CEACAM16: variants seen among roughly 807,000 people sequenced by gnomAD.
The protein encoded by CEACAM16 is CEA cell adhesion molecule 16, tectorial membrane component.
Under a neutral mutation model 39.4 loss-of-function variants are expected in CEACAM16, and 30 were observed. The observed-to-expected ratio is 0.76, with a 90% CI of 0.57 to 1.03. CEACAM16 has a LOEUF of 1.03. Ranked by LOEUF, CEACAM16 falls within the 50% of genes least tolerant of loss-of-function variation. CEACAM16 has a pLI of 0.00. For missense variants in CEACAM16, 521 were observed against 585.3 expected (o/e 0.89, Z 1.13); for synonymous variants, 262 against 264.9 (o/e 0.99, Z 0.11).
intron 5 of CEACAM16, among the ~76,000 whole-genome samples, chr19:44,706,191 C>T (rs1293526209): frequency 6.6e-6 from 1 of 151,708 alleles, no homozygotes; most frequent in Non-Finnish European, 1.5e-5. Context: ...CTCTACCCGC[C>T]CCCACCCCAC....
intron 6 of CEACAM16, 120 bp downstream of exon 6, chr19:44,708,307 C>T: frequency 9.5e-7 from 1 of 1,057,470 alleles, no homozygotes; most frequent in Admixed American, 3.0e-5. Context: ...CATCCCCCAT[C>T]AGGCTGAAGG....
At chr19:44,710,130 C>T (rs1295256248) in intron 6 of CEACAM16, among the ~76,000 whole-genome samples, 1 of 152,252 alleles carries the variant, frequency 6.6e-6, no homozygotes, top group Non-Finnish European at 1.5e-5. Context: ...TCCCCTATCA[C>T]TGGAAATTTC....
At chr19:44,706,297 C>CACACACACACACACACACACACAT (rs1441436923) in intron 5 of CEACAM16, among the ~76,000 whole-genome samples, 68 of 125,176 alleles carry the variant, frequency 5.4e-4, no homozygotes, top group Admixed American at 1.3e-3. Context: ...CACACACACA[C>CACACACACACACACACACACACAT]ACACACACAC....
At chr19:44,702,322 T>C (rs8105132) in intron 2 of CEACAM16, among the ~76,000 whole-genome samples, 48,002 of 150,266 alleles carry the variant, frequency 0.32, 8,432 homozygotes, top group African/African-American at 0.45. Context: ...AAACCACCTA[T>C]GAGGGAGGCC....
intron 4 of CEACAM16, among the ~76,000 whole-genome samples, chr19:44,705,250 C>A (rs1394119359): frequency 6.6e-6 from 1 of 151,830 alleles, no homozygotes; most frequent in Non-Finnish European, 1.5e-5. Flanking sequence ...AGCACCAATT[C>A]TTGAAGCCCT....
intron 5 of CEACAM16, among the ~76,000 whole-genome samples, chr19:44,706,970 T>A (rs1974460345): frequency 6.6e-6 from 1 of 152,094 alleles, no homozygotes. Context: ...GAAACATGGC[T>A]CCTTTATTCA....
At chr19:44,699,585 C>A in intron 1 of CEACAM16, 1 of 368,870 alleles carries the variant, frequency 2.7e-6, no homozygotes, top group Non-Finnish European at 5.3e-6. Context: ...CCATGCTGGC[C>A]AGGCTGGTCT....
At chr19:44,708,329 TCTC>T in intron 6 of CEACAM16, 142 bp downstream of exon 6, 1 of 874,106 alleles carries the variant, frequency 1.1e-6, no homozygotes. Context: ...AGCAGCCTTG[TCTC>T]CTCCGCCTAA....
chr19:44,709,865 A>G (rs1290054776), intron 6 of CEACAM16, among the ~76,000 whole-genome samples: 1 of 151,028 alleles, frequency 6.6e-6, no homozygotes, highest in African/African-American at 2.4e-5. Flanking sequence ...TGTCTCCTCC[A>G]TCAGACTGGG....
rs1449773962 is a variant in CEACAM16 at position 44,705,621 on chromosome 19, T to C, written c.693T>C (p.Asp231=). 6.2e-7 allele frequency: 1 copy of C among 1,608,460 alleles called. No homozygotes were observed. Among genetic ancestry groups the C allele is most frequent in the East Asian group, 2.2e-5 (1 of 44,762 alleles). ...FGPERVAILQ[D]STTRTGCTIK... ...CAGAGCGTGTGGCCATCCTCCAGGA[T>C]TCCACCACCCGCACAGGCTGCACCA... The change falls in exon 5 of 7, where the codon GAT becomes GAC. Residue 231 remains aspartate, a synonymous_variant. Transcript: ENST00000587331.
intron 6 of CEACAM16, among the ~76,000 whole-genome samples, chr19:44,708,636 A>T (rs917833937): frequency 6.6e-6 from 1 of 152,230 alleles, no homozygotes; most frequent in Non-Finnish European, 1.5e-5. Flanking sequence ...AATAAGGATG[A>T]ATCAGGCCTC....
rs375934217 is a variant in CEACAM16, at chr19:44,705,626, C to G, written c.698C>G (p.Thr233Ser). ...PERVAILQDS[T>S]TRTGCTIKVD... is the part of the protein sequence containing the mutation. Reference sequence around the variant, plus strand: ...CGTGTGGCCATCCTCCAGGATTCCACCACCCGCACAGGCTGCACCATCAAA... The same window carrying G: ...CGTGTGGCCATCCTCCAGGATTCCAGCACCCGCACAGGCTGCACCATCAAA... Residue 233 changes from threonine (T) to serine (S), a missense_variant, in exon 5 of 7, where the codon ACC becomes AGC. Transcript: ENST00000587331. The G allele has an allele frequency of 2.5e-6, 4 of 1,609,686 alleles. No homozygotes were observed. Among genetic ancestry groups the G allele is most frequent in the Non-Finnish European group, 3.4e-6 (4 of 1,176,306 alleles).
At chr19:44,704,664 C>T (rs112362176) in intron 4 of CEACAM16, among the ~76,000 whole-genome samples, 6,340 of 151,858 alleles carry the variant, frequency 0.042, 201 homozygotes, top group African/African-American at 0.083. Context: ...CCCCGGAGGC[C>T]GAGGTTGCAG....
rs541193436 is a variant in CEACAM16 at position 44,705,748 on chromosome 19, G to A, written c.820G>A (p.Gly274Ser). Reference sequence around the variant, plus strand: ...CTTCAACGGGCAGGCCCTAAAGAACGGCCAAGACCACCTCAACATCAGCAG... The same window carrying A: ...CTTCAACGGGCAGGCCCTAAAGAACAGCCAAGACCACCTCAACATCAGCAG... ...WTFNGQALKN[G>S]QDHLNISSMT... Residue 274 changes from glycine (G) to serine (S), a missense_variant, in exon 5 of 7, where the codon GGC becomes AGC. Transcript: ENST00000587331. 1.1e-5 allele frequency: 18 copies of A among 1,613,978 alleles called. No individual in the cohort carries two copies. The East Asian group carries it at 1.6e-4, about 14-fold the overall frequency.
At position 44,707,861 on chromosome 19, in the gene CEACAM16, C is replaced by A. The variant is rs558002719; in HGVS notation, c.941C>A (p.Ala314Asp). ...CCCAGCCCGCTCGCTCTCTCCCCAGCTGCAGCAGTTGCCACGATGATCGTG... is the reference window on the plus strand; with the variant it reads ...CCCAGCCCGCTCGCTCTCTCCCCAGATGCAGCAGTTGCCACGATGATCGTG... ...GSASVVVKLS[A>D]AAVATMIVPV... Residue 314 changes from alanine (A) to aspartate (D), a missense_variant and splice_region_variant, in exon 6 of 7, where the codon GCT (alanine) becomes GAT (aspartate). Transcript: ENST00000587331. The A allele has an allele frequency of 2.0e-6, 3 of 1,537,920 alleles. No individual in the cohort carries two copies. Among genetic ancestry groups the A allele is most frequent in the Non-Finnish European group, 2.6e-6 (3 of 1,134,890 alleles).
intron 6 of CEACAM16, among the ~76,000 whole-genome samples, chr19:44,709,856 G>A (rs953383879): frequency 2.6e-5 from 4 of 150,980 alleles, no homozygotes; most frequent in African/African-American, 9.7e-5. Context: ...CAGGGACCAT[G>A]TCTCCTCCAT....
Position 44,706,297 on chromosome 19 carries a change from C to CACACAT in CEACAM16, c.940+434_940+435insTACACA, listed in dbSNP as rs55762667. Among the ~76,000 whole-genome samples the CACACAT allele has an allele frequency of 5.7e-3, 710 of 125,168 alleles. 7 individuals are homozygous for CACACAT. Among genetic ancestry groups the CACACAT allele is most frequent in the African/African-American group, 0.016 (500 of 31,626 alleles). 82.1% of individuals were successfully genotyped at this position (125,168 alleles called of 152,430 possible). Reference sequence around the variant, plus strand: ...ACACACACACACACACACACACACACACACACACACACACAACTGAAGAAT... The same window carrying CACACAT: ...ACACACACACACACACACACACACACACACATACACACACACACACAACTGAAGAAT... On this transcript the variant is annotated intron_variant, in intron 5 of 6. Transcript: ENST00000587331.
chr19:44,700,046 C>T (rs1385718022), intron 1 of CEACAM16, among the ~76,000 whole-genome samples: 1 of 152,180 alleles, frequency 6.6e-6, no homozygotes, highest in Non-Finnish European at 1.5e-5. Context: ...CACTCTGTCA[C>T]CCAGGCTGGA....
rs1450859084 is a variant in CEACAM16 at position 44,701,433 on chromosome 19, C to T, written c.-24C>T. 1.3e-6 allele frequency: 2 copies of T among 1,558,790 alleles called. No homozygotes were observed. The highest frequency in any genetic ancestry group is 1.4e-5 in the African/African-American group (1 of 73,376). The stretch of plus-strand genomic sequence containing the variant: ...CACTGGGACTTCAACGCCACCATCT[C>T]CAAGACTCGGTTTGGGGTGAAAGAT... On this transcript the variant is annotated 5_prime_UTR_variant, in exon 2 of 7. Coordinates refer to ENST00000587331, the MANE Select transcript of CEACAM16 (RefSeq NM_001039213.4). The surrounding 1 kb of genome is among the most constrained non-coding windows in gnomAD (Gnocchi z 4.0).
Sources: allele counts gnomAD v4.1 joint callset (sites outside exome capture counted in the v4.1 genomes callset), GRCh38; gene constraint gnomAD v4.1.1; non-coding constraint Gnocchi (gnomAD v3.1); transcripts MANE v1.5; gene names NCBI Gene and HGNC (gene_info 2026-07-23, HGNC 2026-07-21).